The following ATRNL1 variants were observed in gnomAD, a reference collection of about 807,000 sequenced individuals.
ATRNL1 encodes attractin-like protein 1.
In ATRNL1, 95 loss-of-function variants were observed where a neutral mutation model predicts 182.7. That is an observed-to-expected ratio of 0.52 (90% CI 0.44 to 0.62). The LOEUF (loss-of-function observed/expected upper bound fraction) is 0.62. Among genes scored for constraint, ATRNL1 ranks in the 20% least tolerant of loss-of-function variants. The probability of loss-of-function intolerance (pLI) is 0.00; values close to 1 mark genes in which losing one functional copy is unlikely to be tolerated. For synonymous variants in ATRNL1, 576 were observed against 568.3 expected, an observed-to-expected ratio of 1.01 and a Z score of -0.19; for missense variants, 1,471 against 1,679.5, an observed-to-expected ratio of 0.88 and a Z score of 2.17.
At chr10:115,192,243 T>C (rs1323704298) in intron 8 of ATRNL1, among the ~76,000 whole-genome samples, 6 of 152,100 alleles carry the variant, frequency 3.9e-5, no homozygotes, top group Non-Finnish European at 8.8e-5. Context: ...TAGATGTAAG[T>C]CTTTAATCCA....
At chr10:115,143,837 ACCCTAC>A (rs1554878666) in intron 5 of ATRNL1, among the ~76,000 whole-genome samples, 1 of 152,010 alleles carries the variant, frequency 6.6e-6, no homozygotes, top group Non-Finnish European at 1.5e-5. Flanking sequence ...CACCATGAGG[ACCCTAC>A]CCTGATAACC....
chr10:115,098,642 A>G lies in ATRNL1; in HGVS notation c.293+4599A>G, dbSNP rs1256880268. Among the ~76,000 whole-genome samples the G allele has an allele frequency of 2.6e-5, 4 of 151,474 alleles. No individual in the cohort carries two copies. The East Asian group carries it at 7.8e-4, about 30-fold the overall frequency. ...ACGCCCGGCTAATTTTTTGTTTAGT[A>G]GAGACGGGGTATCACCGTGTTAGCC... On this transcript the variant is annotated intron_variant, in intron 1 of 28. Coordinates refer to ENST00000355044, the MANE Select transcript of ATRNL1 (RefSeq NM_207303.4).
chr10:115,894,874 C>A (rs549850662), intron 28 of ATRNL1, among the ~76,000 whole-genome samples: 1 of 152,298 alleles, frequency 6.6e-6, no homozygotes, highest in African/African-American at 2.4e-5. Flanking sequence ...TTTAGCTTAT[C>A]CCCTGGTAGT....
At chr10:115,394,588 A>G in intron 19 of ATRNL1, 71 bp from the exon 20 acceptor site, 1 of 1,176,078 alleles carries the variant, frequency 8.5e-7, no homozygotes, top group Non-Finnish European at 1.3e-6. Flanking sequence ...AGGTAATAAT[A>G]ATACTTGAAA....
intron 26 of ATRNL1, among the ~76,000 whole-genome samples, chr10:115,661,835 T>C (rs1860706825): frequency 6.6e-6 from 1 of 152,100 alleles, no homozygotes; most frequent in African/African-American, 2.4e-5. Context: ...GTTAGTTACA[T>C]ATGTATACCT....
At chr10:115,101,214 G>GCCTT (rs1304454494) in intron 1 of ATRNL1, among the ~76,000 whole-genome samples, 1 of 149,046 alleles carries the variant, frequency 6.7e-6, no homozygotes, top group African/African-American at 2.5e-5. Flanking sequence ...TTTTTTTCTT[G>GCCTT]CCTTATTTCA....
intron 1 of ATRNL1, among the ~76,000 whole-genome samples, chr10:115,109,749 G>C (rs185032057): frequency 1.1e-3 from 168 of 152,222 alleles, no homozygotes; most frequent in Non-Finnish European, 2.1e-3. Flanking sequence ...TAAATATTCT[G>C]TTTTAGGAGG....
chr10:115,911,206 C>T, intron 28 of ATRNL1, among the ~76,000 whole-genome samples: 1 of 152,042 alleles, frequency 6.6e-6, no homozygotes, highest in Non-Finnish European at 1.5e-5. Context: ...TGCCATGTTG[C>T]CCAGGCTGTT....
intron 19 of ATRNL1, among the ~76,000 whole-genome samples, chr10:115,367,474 A>G (rs527488139): frequency 6.7e-6 from 1 of 149,584 alleles, no homozygotes; most frequent in African/African-American, 2.4e-5. Flanking sequence ...ATGTCCTCCC[A>G]TAGCTCAGAG....
At chr10:115,358,342 G>C (rs782406497) in intron 19 of ATRNL1, among the ~76,000 whole-genome samples, 1 of 151,534 alleles carries the variant, frequency 6.6e-6, no homozygotes, top group Non-Finnish European at 1.5e-5. Context: ...TACATTTAAA[G>C]CTCCTTTATA....
intron 28 of ATRNL1, among the ~76,000 whole-genome samples, chr10:115,902,228 C>T (rs1334029156): frequency 3.3e-5 from 5 of 152,158 alleles, no homozygotes; most frequent in African/African-American, 1.2e-4. Context: ...CCATGCTCTG[C>T]AGACACACTT....
At chr10:115,762,960 G>A (rs10885806) in intron 27 of ATRNL1, among the ~76,000 whole-genome samples, 70,999 of 151,784 alleles carry the variant, frequency 0.47, 18,199 homozygotes, top group East Asian at 0.7. Flanking sequence ...AAATATAAAG[G>A]TATATTAAAA....
chr10:115,106,249 C>G (rs1554865903), intron 1 of ATRNL1, among the ~76,000 whole-genome samples: 1 of 152,178 alleles, frequency 6.6e-6, no homozygotes, highest in South Asian at 2.1e-4. Context: ...CCTGTAACCC[C>G]TTTGTTTTGG....
At chr10:115,923,860 A>G (rs1210776752) in intron 28 of ATRNL1, among the ~76,000 whole-genome samples, 1 of 152,190 alleles carries the variant, frequency 6.6e-6, no homozygotes, top group Non-Finnish European at 1.5e-5. Context: ...ACTAATGTAC[A>G]TTCCCACCAA....
intron 19 of ATRNL1, among the ~76,000 whole-genome samples, chr10:115,354,184 G>A (rs923296408): frequency 5.9e-5 from 8 of 136,042 alleles, no homozygotes; most frequent in African/African-American, 2.0e-4. Flanking sequence ...TGTTTTATAC[G>A]TGGCCCATGA....
At chr10:115,292,086 A>G (rs1852942818) in intron 15 of ATRNL1, among the ~76,000 whole-genome samples, 1 of 151,668 alleles carries the variant, frequency 6.6e-6, no homozygotes, top group Non-Finnish European at 1.5e-5. Flanking sequence ...TTCAATTTCT[A>G]GGTTTCATGT....
chr10:115,322,946 T>C (rs1376767676), intron 18 of ATRNL1, among the ~76,000 whole-genome samples: 1 of 152,134 alleles, frequency 6.6e-6, no homozygotes, highest in Non-Finnish European at 1.5e-5. Context: ...TTAATTATAA[T>C]GGGTCTTTTT....
chr10:115,893,110 A>T (rs1028266413), intron 28 of ATRNL1, among the ~76,000 whole-genome samples: 2 of 152,184 alleles, frequency 1.3e-5, no homozygotes, highest in African/African-American at 4.8e-5. Flanking sequence ...TGGGCTTGGC[A>T]TCTCAGGAAC....
intron 26 of ATRNL1, among the ~76,000 whole-genome samples, chr10:115,632,047 T>A (rs1858545158): frequency 6.6e-6 from 1 of 152,166 alleles, no homozygotes; most frequent in South Asian, 2.1e-4. Context: ...CTGGGAAGTA[T>A]GGGTTTTAGT....
Sources: gnomAD v4.1 joint callset for allele counts (sites outside exome capture counted in the v4.1 genomes callset) on GRCh38, gnomAD v4.1.1 for gene constraint, MANE v1.5 for transcripts, NCBI Gene and HGNC (gene_info 2026-07-23, HGNC 2026-07-21) for gene names.